The following NEDD4L variants were observed in gnomAD, a reference collection of about 807,000 sequenced individuals.
NEDD4L encodes E3 ubiquitin-protein ligase NEDD4-like.
In NEDD4L, 54 loss-of-function variants were observed where a neutral mutation model predicts 148.9. That is an observed-to-expected ratio of 0.36 (90% confidence interval 0.29 to 0.45). The LOEUF is 0.45. Among genes scored for constraint, NEDD4L ranks in the 20% least tolerant of loss-of-function variants. The pLI is 1.00. For missense variants in NEDD4L, 856 were observed against 1,233.8 expected (o/e 0.69, Z 4.59); for synonymous variants, 433 against 440.7 (o/e 0.98, Z 0.22).
chr18:58,231,726 C>A (rs1432647949), intron 2 of NEDD4L, among the ~76,000 whole-genome samples: 2 of 152,132 alleles, frequency 1.3e-5, no homozygotes, highest in Non-Finnish European at 2.9e-5. Context: ...CCATGCCCGG[C>A]TAATTTTTTG....
intron 1 of NEDD4L, among the ~76,000 whole-genome samples, chr18:58,157,612 T>C (rs17693949): frequency 0.029 from 4,449 of 152,296 alleles, 78 homozygotes; most frequent in Non-Finnish European, 0.048. Flanking sequence ...TTTTCTGAAG[T>C]AGCCTTGGTT....
At chr18:58,051,064 C>T (rs1325954542) in intron 1 of NEDD4L, among the ~76,000 whole-genome samples, 1 of 152,176 alleles carries the variant, frequency 6.6e-6, no homozygotes, top group Non-Finnish European at 1.5e-5. Context: ...TGACACCAGC[C>T]TGGGCAATGT....
chr18:58,118,877 G>T (rs1230945420), intron 1 of NEDD4L, among the ~76,000 whole-genome samples: 1 of 152,110 alleles, frequency 6.6e-6, no homozygotes, highest in African/African-American at 2.4e-5. Context: ...GCTGATTCCA[G>T]ATCCTCTTCA....
chr18:58,130,076 G>A (rs2031822728), intron 1 of NEDD4L, among the ~76,000 whole-genome samples: 1 of 150,620 alleles, frequency 6.6e-6, no homozygotes, highest in Non-Finnish European at 1.5e-5. Context: ...CTGTGATCTA[G>A]TGGAACTGTG....
chr18:58,101,763 T>C (rs1787771), intron 1 of NEDD4L, among the ~76,000 whole-genome samples: 37,472 of 152,166 alleles, frequency 0.25, 8,684 homozygotes, highest in African/African-American at 0.62. Context: ...TTGTTCTGCC[T>C]TTGTCAGTTA....
intron 1 of NEDD4L, among the ~76,000 whole-genome samples, chr18:58,129,114 C>A (rs1314944170): frequency 3.9e-5 from 6 of 152,202 alleles, no homozygotes; most frequent in African/African-American, 1.2e-4. Context: ...AACTTACATG[C>A]CTGCTGGTCC....
Position 58,341,814 on chromosome 18 carries a change from A to AT in NEDD4L, c.1377+18dup, listed in dbSNP as rs758209741. The AT allele has an allele frequency of 6.2e-7, 1 of 1,608,438 alleles. No homozygotes were observed. The highest frequency in any genetic ancestry group is 1.1e-5 in the South Asian group (1 of 89,636). ...CCGCTGGAGGTGAGACGGCTACCTC[A>AT]TCTAACTGGACTCACTCTGTCCTGT... On this transcript the variant is annotated intron_variant, in intron 15 of 30. Coordinates refer to ENST00000400345, the MANE Select transcript of NEDD4L (RefSeq NM_001144967.3).
chr18:58,111,214 C>T (rs1477976069), intron 1 of NEDD4L, among the ~76,000 whole-genome samples: 4 of 152,172 alleles, frequency 2.6e-5, no homozygotes, highest in Non-Finnish European at 5.9e-5. Context: ...ACTACAAGCT[C>T]ATGCCACTAC....
rs1199551641 is a variant in NEDD4L at position 58,077,761 on chromosome 18, T to C, written c.48+33053T>C. On this transcript the variant is annotated intron_variant, in intron 1 of 30. Transcript: ENST00000400345. Reference sequence around the variant, plus strand: ...TAAAATGCAGAGGTGGGCAGTTATCTTTAACCTGACCATAGAGCTCCATTT... The same window carrying C: ...TAAAATGCAGAGGTGGGCAGTTATCCTTAACCTGACCATAGAGCTCCATTT... 3.3e-5 allele frequency among the ~76,000 whole-genome samples: 5 copies of C among 152,334 alleles called. No homozygotes were observed. The East Asian group carries it at 9.6e-4, about 29-fold the overall frequency.
chr18:58,382,251 A>T (rs1275913252), intron 24 of NEDD4L, among the ~76,000 whole-genome samples: 1 of 152,236 alleles, frequency 6.6e-6, no homozygotes, highest in Non-Finnish European at 1.5e-5. Flanking sequence ...TCCTGGGTGC[A>T]GGTGGCAGGA....
At chr18:58,283,149 C>T (rs182096238) in intron 5 of NEDD4L, among the ~76,000 whole-genome samples, 302 of 152,278 alleles carry the variant, frequency 2.0e-3, no homozygotes, top group Non-Finnish European at 3.4e-3. Flanking sequence ...GATCTCAGCT[C>T]ACTGCAACCT....
intron 5 of NEDD4L, among the ~76,000 whole-genome samples, chr18:58,289,618 C>T (rs2054424208): frequency 6.6e-6 from 1 of 152,180 alleles, no homozygotes; most frequent in Non-Finnish European, 1.5e-5. Flanking sequence ...CCACCAGCCA[C>T]AGTAGCTGCA....
intron 30 of NEDD4L, 128 bp downstream of exon 30, chr18:58,391,687 G>A (rs908763410): frequency 3.0e-6 from 2 of 669,930 alleles, no homozygotes; most frequent in African/African-American, 1.8e-5. Context: ...AAAGGACAGT[G>A]ATGTGGATGA....
chr18:58,202,319 T>C (rs564406909), intron 2 of NEDD4L, among the ~76,000 whole-genome samples: 4 of 152,246 alleles, frequency 2.6e-5, no homozygotes, highest in Non-Finnish European at 5.9e-5. Context: ...TGTTAAACTC[T>C]CTTTCCCTCT....
intron 2 of NEDD4L, among the ~76,000 whole-genome samples, chr18:58,236,320 G>A (rs1245535095): frequency 3.3e-5 from 5 of 151,924 alleles, no homozygotes; most frequent in African/African-American, 1.2e-4. Flanking sequence ...TCTTGCCACT[G>A]CACTCCAGCC....
intron 20 of NEDD4L, among the ~76,000 whole-genome samples, chr18:58,364,645 A>C (rs1419813927): frequency 6.6e-6 from 1 of 152,200 alleles, no homozygotes; most frequent in Admixed American, 6.5e-5. Context: ...AAATCTGTGG[A>C]AGCCTATTCA....
intron 1 of NEDD4L, among the ~76,000 whole-genome samples, chr18:58,058,529 C>A (rs1167149008): frequency 2.0e-5 from 3 of 152,186 alleles, no homozygotes; most frequent in Non-Finnish European, 4.4e-5. Flanking sequence ...GATACAAAAT[C>A]TTTGATAGGG....
At chr18:58,219,390 A>G (rs147843367) in intron 2 of NEDD4L, among the ~76,000 whole-genome samples, 16 of 152,302 alleles carry the variant, frequency 1.1e-4, no homozygotes, top group South Asian at 6.2e-4. Flanking sequence ...AGAAATGTCA[A>G]TTGTCTCAAT....
At chr18:58,338,371 C>T (rs922816435) in intron 13 of NEDD4L, among the ~76,000 whole-genome samples, 3 of 152,202 alleles carry the variant, frequency 2.0e-5, no homozygotes, top group East Asian at 1.9e-4. Context: ...CTCAACTAGC[C>T]GTGCAGGGTG....
Sources: gnomAD v4.1 joint callset for allele counts (sites outside exome capture counted in the v4.1 genomes callset) on GRCh38, gnomAD v4.1.1 for gene constraint, MANE v1.5 for transcripts, NCBI Gene and HGNC (gene_info 2026-07-23, HGNC 2026-07-21) for gene names.